PIP4K2A: variants seen among roughly 807,000 people sequenced by gnomAD.
PIP4K2A encodes the protein phosphatidylinositol-5-phosphate 4-kinase type 2 alpha.
PIP4K2A carries 14 observed loss-of-function variants against 42.9 expected under a neutral mutation model. That is an observed-to-expected ratio of 0.33 (90% CI 0.22 to 0.51). The LOEUF (loss-of-function observed/expected upper bound fraction) is 0.51. Among genes scored for constraint, PIP4K2A ranks in the 20% least tolerant of loss-of-function variants. The pLI is 0.97. For synonymous variants in PIP4K2A, 192 were observed against 192.2 expected (o/e 1.00, Z 0.01); for missense variants, 434 against 519.8 (o/e 0.83, Z 1.61).
At chr10:22,637,225 C>G (rs550809500) in intron 1 of PIP4K2A, among the ~76,000 whole-genome samples, 8 of 152,288 alleles carry the variant, frequency 5.3e-5, no homozygotes, top group African/African-American at 1.9e-4. Flanking sequence ...GTTGGTCTCT[C>G]TGGAACTAAG....
chr10:22,667,681 A>AT (rs748682111), intron 1 of PIP4K2A, among the ~76,000 whole-genome samples: 2 of 152,258 alleles, frequency 1.3e-5, no homozygotes, highest in East Asian at 3.9e-4. Context: ...CTTTGCCTTT[A>AT]TTTTTTAACT....
At chr10:22,694,129 C>T (rs1839924589) in intron 1 of PIP4K2A, 1 of 152,076 alleles carries the variant, frequency 6.6e-6, no homozygotes, top group Admixed American at 6.6e-5. Flanking sequence ...GTACCAATCC[C>T]CTGGGGATAC....
At chr10:22,713,370 GC>G (rs1221173666) in intron 1 of PIP4K2A, among the ~76,000 whole-genome samples, 1 of 151,434 alleles carries the variant, frequency 6.6e-6, no homozygotes, top group Non-Finnish European at 1.5e-5. Flanking sequence ...GCCCGCGCCC[GC>G]CGGGACCCCC....
At chr10:22,664,228 T>TACATATATATATACATATATATATAC (rs1839304174) in intron 1 of PIP4K2A, among the ~76,000 whole-genome samples, 3 of 89,886 alleles carry the variant, frequency 3.3e-5, no homozygotes, top group Non-Finnish European at 5.8e-5. Context: ...CATATATATA[T>TACATATATATATACATATATATATAC]ACACACACAC....
At chr10:22,547,135 G>C (rs1056720558) in intron 7 of PIP4K2A, among the ~76,000 whole-genome samples, 1 of 152,104 alleles carries the variant, frequency 6.6e-6, no homozygotes, top group Non-Finnish European at 1.5e-5. Flanking sequence ...GTTCTCAACT[G>C]ATTTATTTAA....
intron 1 of PIP4K2A, among the ~76,000 whole-genome samples, chr10:22,664,073 A>G (rs1350130460): frequency 2.4e-5 from 2 of 82,520 alleles, no homozygotes; most frequent in Non-Finnish European, 4.3e-5. Flanking sequence ...ATATATATAT[A>G]TACGTATATA....
At chr10:22,561,736 G>A (rs1836709023) in intron 6 of PIP4K2A, among the ~76,000 whole-genome samples, 1 of 151,356 alleles carries the variant, frequency 6.6e-6, no homozygotes, top group East Asian at 1.9e-4. Context: ...CTAATTTTTT[G>A]AATTGTTTGT....
chr10:22,563,625 G>C (rs1448079425), intron 6 of PIP4K2A, among the ~76,000 whole-genome samples: 1 of 152,152 alleles, frequency 6.6e-6, no homozygotes, highest in Non-Finnish European at 1.5e-5. Flanking sequence ...GGAAAGGAGA[G>C]ACATGAACTC....
rs141947217 is a variant in PIP4K2A at position 22,651,805 on chromosome 10, C to T, written c.145-42088G>A. ...AGGGTGCCAAGGACAGATGCGTGGG[C>T]GACCCCTCACTGCTTGTGTGACTTC... is the stretch of plus-strand genomic sequence containing the variant. On this transcript the variant is annotated intron_variant, in intron 1 of 9. Coordinates refer to ENST00000376573, the MANE Select transcript of PIP4K2A (RefSeq NM_005028.5). Among the ~76,000 whole-genome samples, 869 of 152,228 alleles carry T rather than the reference C, an allele frequency of 5.7e-3. 3 individuals carry two copies. Among genetic ancestry groups the T allele is most frequent in the Middle Eastern group, 0.024 (7 of 294 alleles).
At chr10:22,690,528 G>A (rs1564468803) in intron 1 of PIP4K2A, among the ~76,000 whole-genome samples, 3 of 152,256 alleles carry the variant, frequency 2.0e-5, no homozygotes, top group Middle Eastern at 6.8e-3. Context: ...ATCTCCTCTT[G>A]TGGAAGAGAG....
intron 1 of PIP4K2A, among the ~76,000 whole-genome samples, chr10:22,712,945 T>TGTGC: frequency 6.6e-6 from 1 of 152,056 alleles, no homozygotes; most frequent in African/African-American, 2.4e-5. Flanking sequence ...TGTGTGTCTG[T>TGTGC]GTGTGTGTTT....
At chr10:22,631,396 C>T (rs1588674851) in intron 1 of PIP4K2A, among the ~76,000 whole-genome samples, 1 of 152,072 alleles carries the variant, frequency 6.6e-6, no homozygotes, top group Non-Finnish European at 1.5e-5. Flanking sequence ...AGCTCAATGC[C>T]CCCATCCCCA....
chr10:22,597,256 G>A (rs534450254), intron 3 of PIP4K2A, among the ~76,000 whole-genome samples: 195 of 152,284 alleles, frequency 1.3e-3, no homozygotes, highest in African/African-American at 4.0e-3. Flanking sequence ...CAGGAAGACC[G>A]TGCTGCTGAG....
At chr10:22,543,057 C>T (rs1375997690) in intron 7 of PIP4K2A, among the ~76,000 whole-genome samples, 1 of 152,184 alleles carries the variant, frequency 6.6e-6, no homozygotes, top group Non-Finnish European at 1.5e-5. Flanking sequence ...CAGATGTCCT[C>T]ATGCAAAGGG....
intron 3 of PIP4K2A, among the ~76,000 whole-genome samples, chr10:22,593,463 T>G (rs1837558076): frequency 6.6e-6 from 1 of 152,246 alleles, no homozygotes; most frequent in East Asian, 1.9e-4. Flanking sequence ...AAAAATGACT[T>G]TCAGGATGAA....
intron 1 of PIP4K2A, among the ~76,000 whole-genome samples, chr10:22,642,544 T>C (rs1838800950): frequency 7.2e-6 from 1 of 139,224 alleles, no homozygotes; most frequent in East Asian, 2.1e-4. Flanking sequence ...ACAGTGTATT[T>C]ATAAACAGAT....
intron 1 of PIP4K2A, among the ~76,000 whole-genome samples, chr10:22,676,956 C>A (rs1299556819): frequency 2.6e-5 from 4 of 152,162 alleles, no homozygotes; most frequent in Non-Finnish European, 5.9e-5. Context: ...GTAGGTTAGT[C>A]TGGTACAATC....
At chr10:22,710,476 G>A (rs1833894196) in intron 1 of PIP4K2A, among the ~76,000 whole-genome samples, 1 of 152,202 alleles carries the variant, frequency 6.6e-6, no homozygotes, top group Non-Finnish European at 1.5e-5. Flanking sequence ...CTGAATTAGA[G>A]ACAGGAAACC....
intron 1 of PIP4K2A, among the ~76,000 whole-genome samples, chr10:22,611,713 G>C (rs966594169): frequency 6.6e-6 from 1 of 152,154 alleles, no homozygotes; most frequent in Non-Finnish European, 1.5e-5. Context: ...AAAAATTAAA[G>C]TTTATGTATC....
Sources: allele counts gnomAD v4.1 joint callset (sites outside exome capture counted in the v4.1 genomes callset), GRCh38; gene constraint gnomAD v4.1.1; transcripts MANE v1.5; gene names NCBI Gene and HGNC (gene_info 2026-07-23, HGNC 2026-07-21).